PLD1: variants seen among roughly 807,000 people sequenced by gnomAD.
PLD1 encodes the protein choline phosphatase 1.
A neutral mutation model predicts 137.1 loss-of-function variants in PLD1; 112 were observed. The ratio of observed to expected loss-of-function variants is 0.82; its 90% CI spans 0.70 to 0.96. The LOEUF is 0.96. Ranked by LOEUF, PLD1 falls within the 40% of genes least tolerant of loss-of-function variation. The probability of loss-of-function intolerance (pLI) is 0.00; values close to 1 mark genes in which losing one functional copy is unlikely to be tolerated. For synonymous variants in PLD1, 431 were observed against 454.7 expected, an observed-to-expected ratio of 0.95 and a Z score of 0.66; for missense variants, 1,321 against 1,342.0, an observed-to-expected ratio of 0.98 and a Z score of 0.24.
chr3:171,662,454 T>A (rs1306177133), intron 19 of PLD1, among the ~76,000 whole-genome samples: 1 of 152,186 alleles, frequency 6.6e-6, no homozygotes, highest in Non-Finnish European at 1.5e-5. Context: ...CATTCAAAAC[T>A]GGAAACCACA....
chr3:171,785,374 G>A (rs1433898241), intron 1 of PLD1, among the ~76,000 whole-genome samples: 1 of 151,652 alleles, frequency 6.6e-6, no homozygotes, highest in Non-Finnish European at 1.5e-5. Flanking sequence ...ATGTCAAAAT[G>A]TGATCCACAC....
chr3:171,682,160 GAAAGAA>G (rs754757189), intron 16 of PLD1, among the ~76,000 whole-genome samples: 3,431 of 47,772 alleles, frequency 0.072, 149 homozygotes, highest in African/African-American at 0.1. Flanking sequence ...AAGAAAGAAA[GAAAGAA>G]AAAGAAAGAA....
chr3:171,661,221 T>C (rs1225446392), intron 20 of PLD1, among the ~76,000 whole-genome samples: 3 of 152,030 alleles, frequency 2.0e-5, no homozygotes, highest in Non-Finnish European at 4.4e-5. Context: ...CTCTAATGAA[T>C]TGTTGCTGTG....
At chr3:171,672,495 AT>A (rs58654667) in intron 19 of PLD1, among the ~76,000 whole-genome samples, 59,093 of 135,972 alleles carry the variant, frequency 0.43, 11,772 homozygotes, top group African/African-American at 0.51. Context: ...TTTTATTTTT[AT>A]TTTTTTTTTT....
intron 21 of PLD1, chr3:171,653,706 C>G (rs1076504): frequency 0.25 from 38,352 of 152,102 alleles, 5,370 homozygotes; most frequent in African/African-American, 0.38. Flanking sequence ...ATCCTTGCTT[C>G]AATTTACAGT....
At chr3:171,645,883 CA>C (rs1162718346) in intron 21 of PLD1, among the ~76,000 whole-genome samples, 13,665 of 59,452 alleles carry the variant, frequency 0.23, 245 homozygotes, top group South Asian at 0.29. Flanking sequence ...GACTCCATCT[CA>C]AAAAAAAAAA....
intron 23 of PLD1, among the ~76,000 whole-genome samples, chr3:171,633,888 A>G (rs1734892338): frequency 6.6e-6 from 1 of 152,366 alleles, no homozygotes; most frequent in South Asian, 2.1e-4. Flanking sequence ...GAAGACTGGT[A>G]TATCAGATAA....
intron 1 of PLD1, among the ~76,000 whole-genome samples, chr3:171,802,608 C>G (rs951874860): frequency 6.6e-6 from 1 of 152,176 alleles, no homozygotes; most frequent in African/African-American, 2.4e-5. Flanking sequence ...AACTGTAGTT[C>G]AGAAAGGTGA....
chr3:171,617,362 T>C (rs1733204075), intron 24 of PLD1, among the ~76,000 whole-genome samples: 1 of 152,188 alleles, frequency 6.6e-6, no homozygotes, highest in Admixed American at 6.5e-5. Context: ...CCACACTTGT[T>C]GATTGCCCCT....
intron 16 of PLD1, among the ~76,000 whole-genome samples, chr3:171,681,392 T>C (rs898450058): frequency 2.6e-5 from 4 of 152,226 alleles, no homozygotes; most frequent in African/African-American, 4.8e-5. Context: ...TGAGAGATTA[T>C]AGACCTATAT....
intron 1 of PLD1, among the ~76,000 whole-genome samples, chr3:171,752,078 T>C (rs1022611071): frequency 2.6e-5 from 4 of 151,724 alleles, no homozygotes; most frequent in Admixed American, 6.6e-5. Context: ...TAAATGAATG[T>C]TTTAAATGGA....
chr3:171,695,881 A>T (rs749097336), intron 12 of PLD1, among the ~76,000 whole-genome samples: 1 of 152,228 alleles, frequency 6.6e-6, no homozygotes, highest in Non-Finnish European at 1.5e-5. Flanking sequence ...AGCAGGCAGC[A>T]TTGGGATATA....
intron 21 of PLD1, among the ~76,000 whole-genome samples, chr3:171,650,481 G>A (rs1736637324): frequency 6.6e-6 from 1 of 152,146 alleles, no homozygotes; most frequent in Non-Finnish European, 1.5e-5. Flanking sequence ...TCAGTGTCTG[G>A]AAGCCCCTTT....
rs79721626 is a variant in PLD1 at position 171,661,574 on chromosome 3, T to G, written c.2340+486A>C. Among the ~76,000 whole-genome samples, 1,483 of 152,230 alleles carry G rather than the reference T, an allele frequency of 9.7e-3. 11 individuals carry two copies. The highest frequency in any genetic ancestry group is 0.016 in the Non-Finnish European group (1,103 of 68,018). On this transcript the variant is annotated intron_variant, in intron 20 of 26. Transcript: ENST00000351298. ...GTTCACACAGGATTGAAGAAGGTGG[T>G]ACCTGCTCTTAATGTTCTCACATCT...
At chr3:171,750,952 A>G (rs1720609838) in intron 1 of PLD1, among the ~76,000 whole-genome samples, 1 of 152,162 alleles carries the variant, frequency 6.6e-6, no homozygotes, top group Non-Finnish European at 1.5e-5. Context: ...ATTTTACATT[A>G]TTGGCACAGA....
Position 171,692,373 on chromosome 3 carries a change from A to G in PLD1, c.1297T>C (p.Tyr433His), listed in dbSNP as rs1473415620. The change falls in exon 13 of 27, where the codon TAC (tyrosine) becomes CAC (histidine). Residue 433 changes from tyrosine to histidine, a missense_variant. Transcript: ENST00000351298. Reference sequence around the variant, plus strand: ...AGACGCATCAAAGTCCTCTTGGTGTATTCACTATTGATGCCAAGAGCGAGT... The same window carrying G: ...AGACGCATCAAAGTCCTCTTGGTGTGTTCACTATTGATGCCAAGAGCGAGT... ...VELALGINSE[Y>H]TKRTLMRLHP... 1 of 1,594,674 alleles carries G rather than the reference A, an allele frequency of 6.3e-7. No homozygotes were observed. The highest frequency in any genetic ancestry group is 8.6e-7 in the Non-Finnish European group (1 of 1,162,174).
At chr3:171,649,439 A>C (rs538393742) in intron 21 of PLD1, among the ~76,000 whole-genome samples, 5 of 152,218 alleles carry the variant, frequency 3.3e-5, no homozygotes, top group Non-Finnish European at 5.9e-5. Flanking sequence ...CAAAGCACAG[A>C]AGATTCCATG....
intron 1 of PLD1, among the ~76,000 whole-genome samples, chr3:171,763,826 CTTTCTTT>C (rs1204599254): frequency 4.4e-4 from 48 of 110,290 alleles, no homozygotes; most frequent in South Asian, 2.0e-3. Flanking sequence ...TATTTTCTTT[CTTTCTTT>C]TTTTTTTTTT....
intron 24 of PLD1, among the ~76,000 whole-genome samples, chr3:171,613,018 A>G (rs1276918941): frequency 6.6e-6 from 1 of 152,138 alleles, no homozygotes; most frequent in East Asian, 1.9e-4. Flanking sequence ...AAGTTTTTAA[A>G]AATTAGCTGA....
Sources: gnomAD v4.1 joint callset for allele counts (sites outside exome capture counted in the v4.1 genomes callset) on GRCh38, gnomAD v4.1.1 for gene constraint, MANE v1.5 for transcripts, NCBI Gene and HGNC (gene_info 2026-07-23, HGNC 2026-07-21) for gene names.